The following ROBO1 variants were observed in gnomAD, a reference collection of about 807,000 sequenced individuals.
ROBO1 encodes the protein roundabout homolog 1.
In ROBO1, 149 loss-of-function variants were observed where a neutral mutation model predicts 195.9. The observed-to-expected ratio is 0.76, with a 90% confidence interval of 0.67 to 0.87. The LOEUF (loss-of-function observed/expected upper bound fraction) is 0.87, where lower values mean the gene tolerates loss of function less well. Ranked by LOEUF, ROBO1 falls within the 40% of genes least tolerant of loss-of-function variation. ROBO1 has a pLI of 0.00. For synonymous variants in ROBO1, 816 were observed against 733.2 expected (o/e 1.11, Z -1.82); for missense variants, 1,933 against 2,068.3 (o/e 0.93, Z 1.27).
intron 3 of ROBO1, among the ~76,000 whole-genome samples, chr3:79,085,800 T>C (rs1238229940): frequency 1.3e-5 from 2 of 152,172 alleles, no homozygotes; most frequent in Non-Finnish European, 2.9e-5. Context: ...TGTTTAAAGA[T>C]AAAAGTTTAG....
At chr3:78,978,721 A>C (rs2076932998) in intron 3 of ROBO1, among the ~76,000 whole-genome samples, 1 of 152,178 alleles carries the variant, frequency 6.6e-6, no homozygotes, top group Non-Finnish European at 1.5e-5. Context: ...TACAGTATAT[A>C]AAAAAGAAGT....
chr3:79,524,204 AG>A (rs1380185486), intron 2 of ROBO1, among the ~76,000 whole-genome samples: 5 of 67,476 alleles, frequency 7.4e-5, no homozygotes, highest in Non-Finnish European at 2.6e-5. Context: ...ACAGAGACAG[AG>A]AGAACCCACT....
intron 2 of ROBO1, among the ~76,000 whole-genome samples, chr3:79,249,409 G>A (rs1239396772): frequency 1.3e-5 from 2 of 152,206 alleles, no homozygotes; most frequent in East Asian, 3.9e-4. Context: ...AACTTTCGTG[G>A]TCATCTCACC....
chr3:78,627,207 G>A (rs1371164343), intron 26 of ROBO1, 114 bp downstream of exon 26: 2 of 1,151,424 alleles, frequency 1.7e-6, no homozygotes, highest in East Asian at 5.1e-5. Context: ...GGATGATACT[G>A]CCAGAAAAGG....
At chr3:79,392,421 A>G (rs1296124337) in intron 2 of ROBO1, among the ~76,000 whole-genome samples, 1 of 152,204 alleles carries the variant, frequency 6.6e-6, no homozygotes, top group Non-Finnish European at 1.5e-5. Context: ...CTATTTCTGT[A>G]ATAAAATTCT....
At chr3:78,776,523 C>A (rs1448188549) in intron 4 of ROBO1, among the ~76,000 whole-genome samples, 1 of 152,132 alleles carries the variant, frequency 6.6e-6, no homozygotes, top group Non-Finnish European at 1.5e-5. Flanking sequence ...GTGCTGGGAT[C>A]AGAGGCGTGA....
intron 4 of ROBO1, among the ~76,000 whole-genome samples, chr3:78,786,776 T>C (rs1433286680): frequency 6.6e-6 from 1 of 152,226 alleles, no homozygotes; most frequent in East Asian, 1.9e-4. Context: ...CCTAGCCATA[T>C]GGAATTGTTG....
intron 3 of ROBO1, among the ~76,000 whole-genome samples, chr3:79,040,182 C>A (rs920714446): frequency 1.3e-5 from 2 of 152,102 alleles, no homozygotes; most frequent in Non-Finnish European, 2.9e-5. Flanking sequence ...AACTAAACTG[C>A]GACAAGAGAT....
chr3:78,956,456 G>GA (rs369285599), intron 3 of ROBO1, among the ~76,000 whole-genome samples: 3 of 151,854 alleles, frequency 2.0e-5, no homozygotes, highest in Non-Finnish European at 2.9e-5. Context: ...AATTTTGAAG[G>GA]AAAAAAGCCA....
At chr3:79,408,038 C>G (rs2037618181) in intron 2 of ROBO1, among the ~76,000 whole-genome samples, 1 of 151,592 alleles carries the variant, frequency 6.6e-6, no homozygotes, top group South Asian at 2.1e-4. Flanking sequence ...AAATGTCTAC[C>G]TTAAAAATTG....
intron 4 of ROBO1, among the ~76,000 whole-genome samples, chr3:78,766,084 C>A (rs2108394260): frequency 6.6e-6 from 1 of 152,228 alleles, no homozygotes; most frequent in Non-Finnish European, 1.5e-5. Context: ...ATACTTTTGA[C>A]CACATTTCCA....
At chr3:79,620,996 A>ACT (rs1385014567) in intron 1 of ROBO1, among the ~76,000 whole-genome samples, 1 of 151,958 alleles carries the variant, frequency 6.6e-6, no homozygotes, top group Non-Finnish European at 1.5e-5. Context: ...ATGGTGCCAA[A>ACT]CCCATATACT....
chr3:78,667,269 T>C (rs1204931647), intron 14 of ROBO1, among the ~76,000 whole-genome samples: 2 of 152,176 alleles, frequency 1.3e-5, no homozygotes, highest in African/African-American at 4.8e-5. Context: ...AATATTCACA[T>C]ATTTTTAAAA....
intron 10 of ROBO1, among the ~76,000 whole-genome samples, chr3:78,676,152 C>T (rs183301328): frequency 0.019 from 2,898 of 152,198 alleles, 87 homozygotes; most frequent in African/African-American, 0.064. Flanking sequence ...ACAGAAAGGA[C>T]ATCCACACCA....
At chr3:79,306,137 G>T (rs1338452277) in intron 2 of ROBO1, among the ~76,000 whole-genome samples, 1 of 151,838 alleles carries the variant, frequency 6.6e-6, no homozygotes, top group Non-Finnish European at 1.5e-5. Flanking sequence ...AATAATATAG[G>T]GTGTATTTAT....
At chr3:78,701,090 G>A (rs1316226464) in intron 8 of ROBO1, among the ~76,000 whole-genome samples, 2 of 152,152 alleles carry the variant, frequency 1.3e-5, no homozygotes, top group Non-Finnish European at 2.9e-5. Flanking sequence ...TGTAAAAATA[G>A]CAACTGTTTA....
At chr3:79,415,730 T>C (rs1024725290) in intron 2 of ROBO1, among the ~76,000 whole-genome samples, 7 of 152,156 alleles carry the variant, frequency 4.6e-5, no homozygotes, top group African/African-American at 1.7e-4. Flanking sequence ...GGAAGACCAG[T>C]TAGAAGACCA....
intron 1 of ROBO1, among the ~76,000 whole-genome samples, chr3:79,755,878 A>C (rs1704369642): frequency 6.6e-6 from 1 of 152,176 alleles, no homozygotes; most frequent in Non-Finnish European, 1.5e-5. Context: ...TTGATCTGGC[A>C]GTTTGCATGT....
chr3:78,877,157 C>T (rs1490088182), intron 4 of ROBO1, among the ~76,000 whole-genome samples: 2 of 152,068 alleles, frequency 1.3e-5, no homozygotes, highest in Non-Finnish European at 2.9e-5. Context: ...ATCAATGTTA[C>T]TGACATTTTG....
Sources: gnomAD v4.1 joint callset for allele counts (sites outside exome capture counted in the v4.1 genomes callset) on GRCh38, gnomAD v4.1.1 for gene constraint, MANE v1.5 for transcripts, NCBI Gene and HGNC (gene_info 2026-07-23, HGNC 2026-07-21) for gene names.